Variants in NBAS observed in about 807,000 individuals in gnomAD.
NBAS encodes the protein NBAS subunit of NRZ tethering complex.
Under a neutral mutation model 302.5 loss-of-function variants are expected in NBAS, and 219 were observed. The ratio of observed to expected loss-of-function variants is 0.72; its 90% CI spans 0.65 to 0.81. The LOEUF is 0.81. Ranked by LOEUF, NBAS falls within the 30% of genes least tolerant of loss-of-function variation. The probability of loss-of-function intolerance (pLI) is 0.00; values close to 1 mark genes in which losing one functional copy is unlikely to be tolerated. For missense variants in NBAS, 2,932 were observed against 2,841.6 expected (o/e 1.03, Z -0.72); for synonymous variants, 1,118 against 1,021.6 (o/e 1.09, Z -1.80).
At position 15,379,534 on chromosome 2, in the gene NBAS, A is replaced by G. The variant is rs192667981; in HGVS notation, c.3590+68T>C. The stretch of plus-strand genomic sequence containing the variant: ...GATAATATATTTGGTAAAGAAAAGA[A>G]TAACAATGCAGTTTGTACATTCTGA... On this transcript the variant is annotated intron_variant, in intron 30 of 51. Transcript: ENST00000281513. The G allele has an allele frequency of 1.3e-4, 185 of 1,443,972 alleles. 1 individual carries two copies. In the East Asian group the frequency reaches 3.6e-3, roughly 28 times the overall value. 89.4% of individuals were successfully genotyped at this position (1,443,972 alleles called of 1,614,324 possible).
chr2:15,400,525 A>G (rs575121404), intron 26 of NBAS, among the ~76,000 whole-genome samples: 7 of 152,286 alleles, frequency 4.6e-5, no homozygotes, highest in African/African-American at 1.7e-4. Flanking sequence ...TAAAATTGCA[A>G]AATCAAAAAA....
At chr2:15,191,071 C>T (rs887402102) in intron 48 of NBAS, among the ~76,000 whole-genome samples, 4 of 152,062 alleles carry the variant, frequency 2.6e-5, no homozygotes, top group Non-Finnish European at 4.4e-5. Flanking sequence ...AAAATGTATG[C>T]TATTTTAGGT....
intron 51 of NBAS, among the ~76,000 whole-genome samples, chr2:15,169,270 T>C (rs1664180718): frequency 6.6e-6 from 1 of 152,114 alleles, no homozygotes; most frequent in African/African-American, 2.4e-5. Flanking sequence ...ACTCCAGGAA[T>C]TTACCTTTGT....
chr2:14,882,062 GGATT>G, the NBAS span, among the ~76,000 whole-genome samples: 1 of 152,222 alleles, frequency 6.6e-6, no homozygotes. Context: ...ATAATTTCAT[GGATT>G]ATTACTCTCT....
the NBAS span, among the ~76,000 whole-genome samples, chr2:14,830,042 C>G: frequency 6.6e-6 from 1 of 152,178 alleles, no homozygotes; most frequent in African/African-American, 2.4e-5. Context: ...TAATTTGTGG[C>G]TCAGCTGCAT....
At chr2:15,022,643 C>T in the NBAS span, among the ~76,000 whole-genome samples, 1 of 152,256 alleles carries the variant, frequency 6.6e-6, no homozygotes, top group African/African-American at 2.4e-5. Flanking sequence ...CATATCCAAT[C>T]AATCAGAAGA....
At chr2:15,415,786 G>T (rs1676902529) in intron 24 of NBAS, 67 bp from the exon 25 acceptor site, 1 of 1,548,396 alleles carries the variant, frequency 6.5e-7, no homozygotes, top group Non-Finnish European at 8.9e-7. Flanking sequence ...TATTATATCA[G>T]ACAGCGAGTT....
chr2:15,377,613 C>G (rs1674808607), intron 30 of NBAS, among the ~76,000 whole-genome samples: 1 of 152,150 alleles, frequency 6.6e-6, no homozygotes, highest in South Asian at 2.1e-4. Flanking sequence ...TTGCACATAG[C>G]CATCTGGCCC....
the NBAS span, among the ~76,000 whole-genome samples, chr2:14,798,654 A>AT: frequency 6.6e-6 from 1 of 151,908 alleles, no homozygotes; most frequent in Non-Finnish European, 1.5e-5. Context: ...AATTGATATT[A>AT]TTTTTTCCTT....
chr2:14,831,946 C>T, the NBAS span, among the ~76,000 whole-genome samples: 1 of 152,200 alleles, frequency 6.6e-6, no homozygotes, highest in Non-Finnish European at 1.5e-5. Context: ...CTGTAAACTT[C>T]TTTCTAGCCA....
At chr2:15,122,091 T>C in the NBAS span, among the ~76,000 whole-genome samples, 1 of 150,464 alleles carries the variant, frequency 6.6e-6, no homozygotes, top group Non-Finnish European at 1.5e-5. Context: ...AAAGAGGAGG[T>C]GGAAGAGGAT....
intron 40 of NBAS, among the ~76,000 whole-genome samples, chr2:15,302,771 G>A (rs1446283386): frequency 6.6e-6 from 1 of 152,214 alleles, no homozygotes; most frequent in Non-Finnish European, 1.5e-5. Context: ...TCAGTGGACT[G>A]GGAGAGGCAG....
chr2:15,099,301 C>T, the NBAS span, among the ~76,000 whole-genome samples: 2 of 151,842 alleles, frequency 1.3e-5, no homozygotes, highest in African/African-American at 2.4e-5. Flanking sequence ...GTCTCCTCCC[C>T]GCCGACCCCC....
chr2:15,536,250 C>A (rs953046363), intron 8 of NBAS, among the ~76,000 whole-genome samples, 168 bp downstream of exon 8: 2 of 151,700 alleles, frequency 1.3e-5, no homozygotes, highest in African/African-American at 4.8e-5. Flanking sequence ...ATTGTAGAAC[C>A]CAAGTGGAAG....
chr2:15,039,671 T>A, the NBAS span, among the ~76,000 whole-genome samples: 5 of 152,254 alleles, frequency 3.3e-5, no homozygotes, highest in African/African-American at 1.2e-4. Flanking sequence ...AGAGCTGAGC[T>A]CTGCTCACCA....
the NBAS span, among the ~76,000 whole-genome samples, chr2:14,901,641 T>C: frequency 1.3e-5 from 2 of 152,138 alleles, no homozygotes; most frequent in African/African-American, 4.8e-5. Flanking sequence ...GGAAATAACT[T>C]AGATTCTTAG....
intron 44 of NBAS, among the ~76,000 whole-genome samples, chr2:15,266,893 C>G (rs1446758504): frequency 6.6e-6 from 1 of 152,150 alleles, no homozygotes; most frequent in African/African-American, 2.4e-5. Context: ...GTCCACAGCT[C>G]AACTTGGATG....
the NBAS span, among the ~76,000 whole-genome samples, chr2:14,798,532 G>C: frequency 4.9e-3 from 748 of 152,218 alleles, 12 homozygotes; most frequent in African/African-American, 0.017. Context: ...CTATTGGTCT[G>C]TCAAAATTTT....
At chr2:14,995,356 A>T in the NBAS span, among the ~76,000 whole-genome samples, 2 of 152,166 alleles carry the variant, frequency 1.3e-5, no homozygotes, top group African/African-American at 2.4e-5. Flanking sequence ...TGATGAGTTC[A>T]TGTCTTTTGC....
Sources: gnomAD v4.1 joint callset for allele counts (sites outside exome capture counted in the v4.1 genomes callset) on GRCh38, gnomAD v4.1.1 for gene constraint, MANE v1.5 for transcripts, NCBI Gene and HGNC (gene_info 2026-07-23, HGNC 2026-07-21) for gene names.